ATAD1: variants seen among roughly 807,000 people sequenced by gnomAD.
ATAD1 encodes outer mitochondrial transmembrane helix translocase.
In ATAD1, 18 loss-of-function variants were observed where a neutral mutation model predicts 42.7. The ratio of observed to expected loss-of-function variants is 0.42; its 90% CI spans 0.29 to 0.63. The LOEUF (loss-of-function observed/expected upper bound fraction) is 0.63, where lower values mean the gene tolerates loss of function less well. Among genes scored for constraint, ATAD1 ranks in the 20% least tolerant of loss-of-function variants. The pLI, the probability that ATAD1 is intolerant of heterozygous loss-of-function variation, is 0.19. For synonymous variants in ATAD1, 132 were observed against 143.1 expected, an observed-to-expected ratio of 0.92 and a Z score of 0.55; for missense variants, 294 against 440.4, an observed-to-expected ratio of 0.67 and a Z score of 2.98.
At chr10:87,765,616 C>A (rs983421421) in intron 8 of ATAD1, among the ~76,000 whole-genome samples, 2 of 152,118 alleles carry the variant, frequency 1.3e-5, no homozygotes, top group African/African-American at 2.4e-5. Flanking sequence ...AAAAGGAGCA[C>A]TGCAATAGAA....
chr10:87,807,193 CT>C (rs1856965265), intron 2 of ATAD1, among the ~76,000 whole-genome samples: 1 of 152,080 alleles, frequency 6.6e-6, no homozygotes, highest in African/African-American at 2.4e-5. Flanking sequence ...TTTTCCTCTC[CT>C]ATATGTGCAT....
In ATAD1 at chr10:87,818,109, G is replaced by C. The variant is rs192524708; in HGVS notation, c.-14+58C>G. 1.0e-4 allele frequency: 100 copies of C among 985,552 alleles called. No homozygotes were observed. The African/African-American group carries it at 1.6e-3, about 16-fold the overall frequency. 61.1% of individuals were successfully genotyped at this position (985,552 alleles called of 1,614,324 possible). ...TCCCAGGTCCGAGACGGTCCTTAAA[G>C]GACCTCAGAAGGATACGACAACCAT... On this transcript the variant is annotated intron_variant, in intron 1 of 9. Transcript: ENST00000680024.
upstream of ATAD1, among the ~76,000 whole-genome samples, chr10:87,822,354 A>G (rs1303041315): frequency 2.6e-5 from 4 of 152,226 alleles, no homozygotes; most frequent in Admixed American, 1.3e-4. Flanking sequence ...GGATGGAGAA[A>G]GAAAAGTAAA....
rs1271144394 is a variant in ATAD1, at chr10:87,839,513, A to G, written c.-14+1674T>C. ...AGTTTTAAATAAATTTTTATCTAAT[A>G]GTAAACAGAACATGAGTAATTCTTG... On this transcript the variant is annotated intron_variant, in intron 1 of 4. Coordinates refer to the ATAD1 transcript ENST00000495903. 3.3e-5 allele frequency among the ~76,000 whole-genome samples: 5 copies of G among 152,380 alleles called. No individual in the cohort carries two copies. The East Asian group carries it at 9.6e-4, about 29-fold the overall frequency.
At chr10:87,798,657 T>TGTGTGTGTGTG (rs1349200937) in intron 2 of ATAD1, among the ~76,000 whole-genome samples, 4 of 150,008 alleles carry the variant, frequency 2.7e-5, no homozygotes, top group East Asian at 1.9e-4. Context: ...TGTGTGTGTA[T>TGTGTGTGTGTG]TTAAAATGCC....
At chr10:87,802,599 C>T (rs186801572) in intron 2 of ATAD1, among the ~76,000 whole-genome samples, 12 of 151,034 alleles carry the variant, frequency 7.9e-5, no homozygotes, top group African/African-American at 2.4e-4. Context: ...CCCGAGATCC[C>T]GCCACCGCAC....
chr10:87,801,681 G>A (rs1306339011), intron 2 of ATAD1, among the ~76,000 whole-genome samples: 2 of 152,018 alleles, frequency 1.3e-5, no homozygotes, highest in Non-Finnish European at 2.9e-5. Flanking sequence ...TTTGACTATG[G>A]CTACCCTAAA....
intron 4 of ATAD1, among the ~76,000 whole-genome samples, chr10:87,784,880 C>T (rs1564756107): frequency 6.6e-6 from 1 of 152,184 alleles, no homozygotes; most frequent in African/African-American, 2.4e-5. Flanking sequence ...TTGGGGATTA[C>T]AGCATCCTGT....
chr10:87,773,060 G>A lies in ATAD1; in HGVS notation c.691-2019C>T, dbSNP rs561475984. ...CAGGAAAAATAACTAATGGATACTAGGCTTAATACCTGGGTATGAAATAAT... is the reference window on the plus strand; with the variant it reads ...CAGGAAAAATAACTAATGGATACTAAGCTTAATACCTGGGTATGAAATAAT... On this transcript the variant is annotated intron_variant, in intron 6 of 9. Coordinates refer to ENST00000680024, the MANE Select transcript of ATAD1 (RefSeq NM_001321967.2). Among the ~76,000 whole-genome samples the A allele has an allele frequency of 1.3e-3, 191 of 152,024 alleles. 1 individual carries two copies. The highest frequency in any genetic ancestry group is 0.01 in the South Asian group (49 of 4,816).
chr10:87,773,353 C>T (rs904394308), intron 6 of ATAD1, among the ~76,000 whole-genome samples: 7 of 152,010 alleles, frequency 4.6e-5, no homozygotes, highest in South Asian at 2.1e-4. Context: ...AAACAGTGAC[C>T]GGTTTCATTG....
At chr10:87,812,348 C>T (rs560786718) in intron 2 of ATAD1, among the ~76,000 whole-genome samples, 2 of 152,206 alleles carry the variant, frequency 1.3e-5, no homozygotes, top group South Asian at 2.1e-4. Context: ...GTGATCTTGG[C>T]TCACTGCAAC....
At chr10:87,771,100 G>T in intron 6 of ATAD1, 59 bp from the exon 7 acceptor site, 1 of 1,301,308 alleles carries the variant, frequency 7.7e-7, no homozygotes, top group Non-Finnish European at 1.1e-6. Flanking sequence ...CTCTGAGAAT[G>T]TTATTACTAG....
At chr10:87,807,983 T>A (rs1857002270) in intron 2 of ATAD1, among the ~76,000 whole-genome samples, 1 of 152,222 alleles carries the variant, frequency 6.6e-6, no homozygotes, top group Non-Finnish European at 1.5e-5. Flanking sequence ...TAATTTTCTC[T>A]ATGAATGTGT....
intron 5 of ATAD1, among the ~76,000 whole-genome samples, chr10:87,777,088 C>G (rs1404679094): frequency 6.6e-6 from 1 of 152,036 alleles, no homozygotes; most frequent in Non-Finnish European, 1.5e-5. Context: ...ATTTTTGTTT[C>G]TTCTCTAAAA....
intron 3 of ATAD1, among the ~76,000 whole-genome samples, chr10:87,791,030 C>CAAAAAAAAAAA (rs34722647): frequency 9.1e-5 from 6 of 66,248 alleles, no homozygotes; most frequent in East Asian, 4.5e-4. Context: ...ACTAAAATTA[C>CAAAAAAAAAAA]AAAAAAAAAA....
At chr10:87,821,632 G>T (rs1037690565), upstream of ATAD1, among the ~76,000 whole-genome samples, 7 of 152,116 alleles carry the variant, frequency 4.6e-5, no homozygotes, top group Non-Finnish European at 8.8e-5. Context: ...AGAGACTCCC[G>T]TTCAACTACT....
chr10:87,824,204 AT>A (rs1857683754), intron 1 of ATAD1, among the ~76,000 whole-genome samples: 6 of 148,376 alleles, frequency 4.0e-5, no homozygotes, highest in African/African-American at 1.3e-4. Flanking sequence ...AGAGGTATAG[AT>A]TTAACCTGAT....
At chr10:87,786,427 G>A (rs117566419) in intron 4 of ATAD1, among the ~76,000 whole-genome samples, 65 of 152,206 alleles carry the variant, frequency 4.3e-4, no homozygotes, top group African/African-American at 6.7e-4. Flanking sequence ...CTAGTAGATC[G>A]GTTTTGTTAC....
intron 1 of ATAD1, among the ~76,000 whole-genome samples, chr10:87,823,389 T>G (rs1157904991): frequency 6.6e-6 from 1 of 152,152 alleles, no homozygotes; most frequent in Non-Finnish European, 1.5e-5. Flanking sequence ...ACAGTACTGT[T>G]CAAATGATAC....
Sources: allele counts gnomAD v4.1 joint callset (sites outside exome capture counted in the v4.1 genomes callset), GRCh38; gene constraint gnomAD v4.1.1; transcripts MANE v1.5; gene names NCBI Gene and HGNC (gene_info 2026-07-23, HGNC 2026-07-21).